NKAIN2: variants seen among roughly 807,000 people sequenced by gnomAD.
NKAIN2 encodes the protein sodium/potassium transporting ATPase interacting 2.
In NKAIN2, 14 loss-of-function variants were observed where a neutral mutation model predicts 32.6. That is an observed-to-expected ratio of 0.43 (90% CI 0.28 to 0.67). NKAIN2 has a LOEUF of 0.67. Among genes scored for constraint, NKAIN2 ranks in the 30% least tolerant of loss-of-function variants. The pLI is 0.17. For synonymous variants in NKAIN2, 80 were observed against 87.2 expected, an observed-to-expected ratio of 0.92 and a Z score of 0.46; for missense variants, 198 against 258.3, an observed-to-expected ratio of 0.77 and a Z score of 1.60.
At chr6:124,016,884 G>A (rs903126998) in intron 1 of NKAIN2, among the ~76,000 whole-genome samples, 5 of 152,092 alleles carry the variant, frequency 3.3e-5, no homozygotes, top group African/African-American at 9.7e-5. Context: ...CTGCATTGCT[G>A]CAAATGCCCA....
At chr6:124,180,932 G>C (rs990223473) in intron 1 of NKAIN2, among the ~76,000 whole-genome samples, 1 of 152,168 alleles carries the variant, frequency 6.6e-6, no homozygotes, top group African/African-American at 2.4e-5. Flanking sequence ...ACTAGGCAGT[G>C]TCTCAGTGGG....
intron 1 of NKAIN2, among the ~76,000 whole-genome samples, chr6:123,863,805 C>T (rs1202768796): frequency 6.6e-6 from 1 of 152,214 alleles, no homozygotes; most frequent in African/African-American, 2.4e-5. Context: ...TCTTCCTCTC[C>T]TGTCCACTTT....
At chr6:124,687,178 C>T (rs1424875519) in intron 4 of NKAIN2, among the ~76,000 whole-genome samples, 1 of 145,330 alleles carries the variant, frequency 6.9e-6, no homozygotes, top group Non-Finnish European at 1.5e-5. Context: ...ATATATATTC[C>T]ATATACATAT....
rs1013356125 is a variant in NKAIN2, at chr6:124,124,639, A to T, written c.55-158366A>T. ...GATCATTTCTCACTTTGTGAACCAT[A>T]GCAGAATAGAATTAAAAATAAATAA... On this transcript the variant is annotated intron_variant, in intron 1 of 6. Coordinates refer to ENST00000368417, the MANE Select transcript of NKAIN2 (RefSeq NM_001040214.3). Among the ~76,000 whole-genome samples, 7 of 152,190 alleles carry T rather than the reference A, an allele frequency of 4.6e-5. No individual in the cohort carries two copies. The South Asian group carries it at 6.2e-4, about 14-fold the overall frequency.
chr6:124,278,941 A>G (rs1480956000), intron 1 of NKAIN2, among the ~76,000 whole-genome samples: 1 of 152,032 alleles, frequency 6.6e-6, no homozygotes, highest in Non-Finnish European at 1.5e-5. Flanking sequence ...AATGAGGTAG[A>G]TCTATTAATG....
chr6:124,269,275 G>A (rs1447079540), intron 1 of NKAIN2, among the ~76,000 whole-genome samples: 1 of 152,026 alleles, frequency 6.6e-6, no homozygotes, highest in South Asian at 2.1e-4. Context: ...CAGCATCTCC[G>A]TATCTGTGTT....
chr6:124,423,288 G>C (rs559164267), intron 3 of NKAIN2, among the ~76,000 whole-genome samples: 4 of 152,312 alleles, frequency 2.6e-5, no homozygotes, highest in Admixed American at 2.6e-4. Context: ...ATGAAGCACA[G>C]TGAGAAAAGC....
chr6:124,498,248 C>A (rs1335376559), intron 3 of NKAIN2, among the ~76,000 whole-genome samples: 1 of 152,112 alleles, frequency 6.6e-6, no homozygotes, highest in Admixed American at 6.6e-5. Context: ...GCAGGGGGCA[C>A]TCATGATGTG....
At chr6:124,215,855 C>T (rs111531502) in intron 1 of NKAIN2, among the ~76,000 whole-genome samples, 11 of 152,122 alleles carry the variant, frequency 7.2e-5, no homozygotes, top group East Asian at 1.9e-4. Context: ...CAGTGGCTGA[C>T]GCCTGTAATC....
chr6:124,784,756 G>C (rs984901587), intron 4 of NKAIN2, among the ~76,000 whole-genome samples: 3 of 152,056 alleles, frequency 2.0e-5, no homozygotes, highest in Non-Finnish European at 4.4e-5. Context: ...CTGTGTAGGA[G>C]TGCAATTGCT....
At chr6:124,049,426 C>T (rs1237903705) in intron 1 of NKAIN2, among the ~76,000 whole-genome samples, 1 of 151,856 alleles carries the variant, frequency 6.6e-6, no homozygotes, top group African/African-American at 2.4e-5. Context: ...TAGAGCTCCC[C>T]CGGGTTTATG....
intron 1 of NKAIN2, among the ~76,000 whole-genome samples, chr6:124,105,450 A>G (rs1374589996): frequency 6.6e-6 from 1 of 152,126 alleles, no homozygotes; most frequent in Non-Finnish European, 1.5e-5. Context: ...CCTGTGCATC[A>G]GTGGTTCTCT....
chr6:124,704,928 G>A (rs1359837916), intron 4 of NKAIN2, among the ~76,000 whole-genome samples: 2 of 151,848 alleles, frequency 1.3e-5, no homozygotes, highest in Non-Finnish European at 2.9e-5. Flanking sequence ...ATGGAAAAAT[G>A]GAAACTTTCT....
At chr6:124,345,915 AT>A (rs1427530886) in intron 2 of NKAIN2, among the ~76,000 whole-genome samples, 3 of 151,710 alleles carry the variant, frequency 2.0e-5, no homozygotes, top group Non-Finnish European at 4.4e-5. Context: ...AGTTCTTTTA[AT>A]TGTGATGTTA....
At chr6:124,490,834 G>A (rs139405053) in intron 3 of NKAIN2, among the ~76,000 whole-genome samples, 6 of 151,822 alleles carry the variant, frequency 4.0e-5, no homozygotes, top group Non-Finnish European at 4.4e-5. Context: ...GGGCTAGAGT[G>A]CATTTTATCT....
intron 4 of NKAIN2, among the ~76,000 whole-genome samples, chr6:124,716,442 C>G (rs1775760161): frequency 6.6e-6 from 1 of 152,174 alleles, no homozygotes. Context: ...CAGTTGAGAT[C>G]ATAGAGTGAT....
intron 4 of NKAIN2, among the ~76,000 whole-genome samples, chr6:124,692,402 G>A (rs942781814): frequency 6.6e-6 from 1 of 152,070 alleles, no homozygotes; most frequent in Non-Finnish European, 1.5e-5. Flanking sequence ...AATAAACAAA[G>A]CTCTGTGAGA....
intron 3 of NKAIN2, among the ~76,000 whole-genome samples, chr6:124,511,489 C>T (rs186337741): frequency 1.3e-3 from 202 of 152,176 alleles, no homozygotes; most frequent in Admixed American, 3.5e-3. Flanking sequence ...TTCCCTTTAT[C>T]GAGTTTGTCT....
chr6:124,684,980 C>A (rs1420433928), intron 4 of NKAIN2, among the ~76,000 whole-genome samples: 1 of 152,148 alleles, frequency 6.6e-6, no homozygotes, highest in Admixed American at 6.6e-5. Context: ...CCCATAAGAT[C>A]CAGCTCATAT....
Sources: gnomAD v4.1 joint callset for allele counts (sites outside exome capture counted in the v4.1 genomes callset) on GRCh38, gnomAD v4.1.1 for gene constraint, MANE v1.5 for transcripts, NCBI Gene and HGNC (gene_info 2026-07-23, HGNC 2026-07-21) for gene names.